Variants in CATSPERB observed in about 807,000 individuals in gnomAD.
CATSPERB encodes the protein catsper channel auxiliary subunit beta.
A neutral mutation model predicts 128.3 loss-of-function variants in CATSPERB; 93 were observed. The ratio of observed to expected loss-of-function variants is 0.72; its 90% CI spans 0.61 to 0.86. The LOEUF (loss-of-function observed/expected upper bound fraction) is 0.86. CATSPERB is among the 40% of genes least tolerant of loss of function. The pLI, the probability that CATSPERB is intolerant of heterozygous loss-of-function variation, is 0.00. For missense variants in CATSPERB, 1,153 were observed against 1,329.5 expected (o/e 0.87, Z 2.06); for synonymous variants, 381 against 448.8 (o/e 0.85, Z 1.91).
chr14:91,630,310 T>G (rs915436624), intron 17 of CATSPERB, among the ~76,000 whole-genome samples: 12 of 152,190 alleles, frequency 7.9e-5, no homozygotes, highest in African/African-American at 2.7e-4. Context: ...CCCAGGGCTT[T>G]TCTTCTCTAC....
intron 5 of CATSPERB, among the ~76,000 whole-genome samples, chr14:91,714,277 C>CAAAAAAAAAAAAAAGA (rs1895895896): frequency 8.1e-5 from 9 of 111,290 alleles, no homozygotes; most frequent in Non-Finnish European, 1.5e-4. Flanking sequence ...TACAATAAGG[C>CAAAAAAAAAAAAAAGA]AAAAAAAAAA....
chr14:91,723,693 C>T (rs889497540), intron 3 of CATSPERB, among the ~76,000 whole-genome samples: 4 of 150,314 alleles, frequency 2.7e-5, no homozygotes, highest in African/African-American at 1.0e-4. Flanking sequence ...AGTTCCCTAT[C>T]TGAGTTTTAG....
chr14:91,641,639 G>A (rs376840629), intron 15 of CATSPERB, among the ~76,000 whole-genome samples: 22,756 of 131,774 alleles, frequency 0.17, 2,068 homozygotes, highest in South Asian at 0.21. Flanking sequence ...AAGTCAGGTA[G>A]TGTGATGCCT....
chr14:91,631,761 G>T lies in CATSPERB; in HGVS notation c.1742+4664C>A, dbSNP rs564640057. Among the ~76,000 whole-genome samples, 5 of 152,232 alleles carry T rather than the reference G, an allele frequency of 3.3e-5. No homozygotes were observed. The South Asian group carries it at 1.0e-3, about 32-fold the overall frequency. ...AACTGTAATATTTCTTCTGAGGTTT[G>T]AGGAACCGAGGGACCAGAATTGGAC... On this transcript the variant is annotated intron_variant, in intron 17 of 26. Coordinates refer to ENST00000256343, the MANE Select transcript of CATSPERB (RefSeq NM_024764.4).
At chr14:91,595,653 T>C (rs1285643) in intron 22 of CATSPERB, among the ~76,000 whole-genome samples, 111,387 of 152,072 alleles carry the variant, frequency 0.73, 41,233 homozygotes, top group East Asian at 0.97. Flanking sequence ...ACACAAAATA[T>C]GAGGCCAGTT....
rs371684699 is a variant in CATSPERB at position 91,663,392 on chromosome 14, G to A, written c.1288-3411C>T. ...GTCTTGATTGTGTTATTGCATATGG[G>A]TGGTGCTCAAACGGAGGCTGAGGCA... On this transcript the variant is annotated intron_variant, in intron 14 of 26. Coordinates refer to ENST00000256343, the MANE Select transcript of CATSPERB (RefSeq NM_024764.4). 9.9e-5 allele frequency among the ~76,000 whole-genome samples: 15 copies of A among 152,154 alleles called. No homozygotes were observed. In the East Asian group the frequency reaches 2.5e-3, roughly 26 times the overall value.
intron 15 of CATSPERB, among the ~76,000 whole-genome samples, chr14:91,653,035 G>T (rs939236950): frequency 1.3e-5 from 2 of 152,282 alleles, no homozygotes; most frequent in East Asian, 3.9e-4. Flanking sequence ...AGAGGAGATT[G>T]TATAACTGTA....
rs1893662634 is a variant in CATSPERB at position 91,604,387 on chromosome 14, C to T, written c.2709+3907G>A. 4.2e-6 allele frequency: 4 copies of T among 962,666 alleles called. No homozygotes were observed. The Admixed American group carries it at 6.8e-5, about 16-fold the overall frequency. The allele number at this position is 962,666 out of a possible 1,614,324, so 59.6% of individuals were successfully genotyped here. On this transcript the variant is annotated intron_variant, in intron 22 of 26. Transcript: ENST00000256343. Reference sequence around the variant, plus strand: ...TGCCCAGACTGAAATTGATTAATGTCAATTGCACTCTTCTTCACACATCTT... The same window carrying T: ...TGCCCAGACTGAAATTGATTAATGTTAATTGCACTCTTCTTCACACATCTT...
In CATSPERB at chr14:91,616,775, C is replaced by CT. The variant is rs1423179574; in HGVS notation, c.2400+821dup. Among the ~76,000 whole-genome samples the CT allele has an allele frequency of 3.9e-5, 4 of 102,028 alleles. No homozygotes were observed. The Admixed American group carries it at 4.5e-4, about 11-fold the overall frequency. The allele number at this position is 102,028 out of a possible 152,430, so 66.9% of individuals were successfully genotyped here. A position where few individuals can be genotyped will look rare whatever the true frequency, so the allele number is the denominator to read the frequency against. On this transcript the variant is annotated intron_variant, in intron 20 of 26. Coordinates refer to ENST00000256343, the MANE Select transcript of CATSPERB (RefSeq NM_024764.4). ...TTTTTTTTTGAGACAGAGTTTCACTCTTGTTGCCCAGGCTGGAGTGCAATG... is the reference window on the plus strand; with the variant it reads ...TTTTTTTTTGAGACAGAGTTTCACTCTTTGTTGCCCAGGCTGGAGTGCAATG...
At chr14:91,718,766 G>A (rs372168109) in intron 5 of CATSPERB, among the ~76,000 whole-genome samples, 38 of 152,170 alleles carry the variant, frequency 2.5e-4, no homozygotes, top group Non-Finnish European at 3.4e-4. Context: ...ATAAGATGGC[G>A]CATTTTTGTC....
rs143527873 is a variant in CATSPERB, at chr14:91,647,646, G to A, written c.1433-8396C>T. On this transcript the variant is annotated intron_variant, in intron 15 of 26. Transcript: ENST00000256343. ...GGTAGCAGGCAAGAGAGCTTATGCA[G>A]GGGAACTCCTTTTATAAAACCATCA... 1.1e-3 allele frequency among the ~76,000 whole-genome samples: 172 copies of A among 152,266 alleles called. 1 individual carries two copies. The highest frequency in any genetic ancestry group is 3.8e-3 in the African/African-American group (158 of 41,548).
At chr14:91,677,663 TC>T (rs1373146939) in intron 11 of CATSPERB, among the ~76,000 whole-genome samples, 1 of 152,210 alleles carries the variant, frequency 6.6e-6, no homozygotes, top group African/African-American at 2.4e-5. Flanking sequence ...TCCTCAAGGA[TC>T]TAGAACCAGA....
chr14:91,592,068 A>G, intron 22 of CATSPERB, 66 bp from the exon 23 acceptor site: 1 of 935,170 alleles, frequency 1.1e-6, no homozygotes, highest in Non-Finnish European at 1.8e-6. Flanking sequence ...AAACTGATAA[A>G]TATCTAATAA....
At chr14:91,691,224 C>T (rs1405434993) in intron 10 of CATSPERB, among the ~76,000 whole-genome samples, 25 of 152,144 alleles carry the variant, frequency 1.6e-4, no homozygotes, top group Non-Finnish European at 1.5e-5. Flanking sequence ...AACTGAACAA[C>T]CATAGCTAGC....
intron 10 of CATSPERB, among the ~76,000 whole-genome samples, chr14:91,690,468 A>G (rs1324058590): frequency 6.6e-6 from 1 of 151,814 alleles, no homozygotes; most frequent in Non-Finnish European, 1.5e-5. Context: ...CTGGCATCCT[A>G]CTCCTTCATG....
Position 91,711,722 on chromosome 14 carries a change from A to G in CATSPERB, c.371-3486T>C, listed in dbSNP as rs550201368. Among the ~76,000 whole-genome samples the G allele has an allele frequency of 4.6e-5, 7 of 152,368 alleles. No homozygotes were observed. The South Asian group carries it at 8.3e-4, about 18-fold the overall frequency. On this transcript the variant is annotated intron_variant, in intron 5 of 26. Transcript: ENST00000256343. ...AATAAAGAGGGACAATACATATGAC[A>G]AAGGCATGATAACCCTAAGTGTAGA...
At chr14:91,693,877 A>G (rs1367455540) in intron 7 of CATSPERB, among the ~76,000 whole-genome samples, 1 of 152,062 alleles carries the variant, frequency 6.6e-6, no homozygotes, top group Non-Finnish European at 1.5e-5. Flanking sequence ...CCCTCCCTTT[A>G]TCTGCTTAAA....
At chr14:91,613,894 G>A (rs951562162) in intron 20 of CATSPERB, among the ~76,000 whole-genome samples, 5 of 152,144 alleles carry the variant, frequency 3.3e-5, no homozygotes, top group African/African-American at 9.7e-5. Flanking sequence ...CAACCACAGC[G>A]CATGCACCCA....
At chr14:91,678,694 C>A (rs544805024) in intron 11 of CATSPERB, among the ~76,000 whole-genome samples, 1 of 152,042 alleles carries the variant, frequency 6.6e-6, no homozygotes, top group Non-Finnish European at 1.5e-5. Context: ...TCTGAGTTTA[C>A]TGATTAGATA....
Sources: allele counts gnomAD v4.1 joint callset (sites outside exome capture counted in the v4.1 genomes callset), GRCh38; gene constraint gnomAD v4.1.1; transcripts MANE v1.5; gene names NCBI Gene and HGNC (gene_info 2026-07-23, HGNC 2026-07-21).